Variants in GTF2E2 observed in about 807,000 individuals in gnomAD.
GTF2E2 encodes the protein general transcription factor IIE subunit 2.
A neutral mutation model predicts 40.5 loss-of-function variants in GTF2E2; 21 were observed. That is an observed-to-expected ratio of 0.52 (90% CI 0.37 to 0.75). The LOEUF (loss-of-function observed/expected upper bound fraction) is 0.75, where lower values mean the gene tolerates loss of function less well. Among genes scored for constraint, GTF2E2 ranks in the 30% least tolerant of loss-of-function variants. The pLI, the probability that GTF2E2 is intolerant of heterozygous loss-of-function variation, is 0.00. For synonymous variants in GTF2E2, 117 were observed against 121.6 expected (o/e 0.96, Z 0.25); for missense variants, 298 against 338.4 (o/e 0.88, Z 0.94).
intron 6 of GTF2E2, among the ~76,000 whole-genome samples, chr8:30,585,989 G>T (rs1828670602): frequency 6.6e-6 from 1 of 151,962 alleles, no homozygotes; most frequent in Admixed American, 6.6e-5. Context: ...GACTGAGGTG[G>T]GAAGAGAGCT....
chr8:30,605,262 C>T (rs555419591), intron 6 of GTF2E2, among the ~76,000 whole-genome samples: 5 of 151,702 alleles, frequency 3.3e-5, no homozygotes, highest in East Asian at 1.9e-4. Flanking sequence ...AAGTAAATGA[C>T]GGAGAAACTA....
intron 6 of GTF2E2, among the ~76,000 whole-genome samples, chr8:30,597,898 T>C (rs775686464): frequency 9.2e-5 from 14 of 152,234 alleles, no homozygotes; most frequent in Non-Finnish European, 1.9e-4. Context: ...AAAATATCTC[T>C]GTAATCCCAA....
chr8:30,630,647 T>C (rs1018004222), intron 3 of GTF2E2, among the ~76,000 whole-genome samples: 3 of 152,044 alleles, frequency 2.0e-5, no homozygotes, highest in Non-Finnish European at 4.4e-5. Context: ...CTCACCTCCA[T>C]TCAGAATTTG....
At chr8:30,580,223 G>A (rs1828477014) in intron 7 of GTF2E2, 58 bp downstream of exon 7, 2 of 937,826 alleles carry the variant, frequency 2.1e-6, no homozygotes, top group East Asian at 4.8e-5. Context: ...GCAGAAAGCG[G>A]AGCAGGCTAA....
At chr8:30,583,350 C>CA (rs1003922407) in intron 6 of GTF2E2, among the ~76,000 whole-genome samples, 4 of 151,790 alleles carry the variant, frequency 2.6e-5, no homozygotes, top group Admixed American at 6.6e-5. Context: ...CAAAACATAA[C>CA]AAAAAACACA....
chr8:30,610,274 C>T (rs879491120), intron 5 of GTF2E2, among the ~76,000 whole-genome samples: 2 of 151,874 alleles, frequency 1.3e-5, no homozygotes, highest in Admixed American at 6.6e-5. Context: ...GGTAAAACCA[C>T]ATCTCTACCA....
intron 3 of GTF2E2, among the ~76,000 whole-genome samples, chr8:30,628,510 TTC>T (rs1238357761): frequency 6.6e-6 from 1 of 152,268 alleles, no homozygotes; most frequent in Non-Finnish European, 1.5e-5. Context: ...TTTGCATGGG[TTC>T]TCTGAGACCT....
intron 3 of GTF2E2, among the ~76,000 whole-genome samples, chr8:30,625,454 T>C (rs1432253525): frequency 6.6e-6 from 1 of 152,060 alleles, no homozygotes; most frequent in Non-Finnish European, 1.5e-5. Flanking sequence ...TTTTAAAAAA[T>C]AAACATTTTC....
intron 6 of GTF2E2, among the ~76,000 whole-genome samples, chr8:30,587,404 C>T (rs766170199): frequency 1.4e-4 from 21 of 150,218 alleles, no homozygotes; most frequent in South Asian, 2.1e-4. Context: ...CAAAATGAGA[C>T]GCTGCCTCTA....
At chr8:30,617,508 A>C (rs1189445391) in intron 3 of GTF2E2, among the ~76,000 whole-genome samples, 1 of 152,140 alleles carries the variant, frequency 6.6e-6, no homozygotes, top group Non-Finnish European at 1.5e-5. Context: ...TTGGAAGGTC[A>C]AAGTGGGCAG....
chr8:30,649,851 G>A (rs1481408484), intron 2 of GTF2E2, among the ~76,000 whole-genome samples: 1 of 152,114 alleles, frequency 6.6e-6, no homozygotes, highest in Non-Finnish European at 1.5e-5. Flanking sequence ...AAAAACCTCA[G>A]ACAATGTAAA....
chr8:30,654,271 T>A (rs1327621738), intron 1 of GTF2E2, among the ~76,000 whole-genome samples: 1 of 152,080 alleles, frequency 6.6e-6, no homozygotes, highest in African/African-American at 2.4e-5. Flanking sequence ...AGATTTAGTA[T>A]AAAGAAAAAA....
In GTF2E2 at chr8:30,578,543, T is replaced by C. The variant is rs968992281; in HGVS notation, c.*378A>G. 1.9e-5 allele frequency: 3 copies of C among 160,744 alleles called. No homozygotes were observed. Among genetic ancestry groups the C allele is most frequent in the African/African-American group, 7.2e-5 (3 of 41,616 alleles). 10.0% of individuals were successfully genotyped at this position (160,744 alleles called of 1,614,324 possible). On this transcript the variant is annotated 3_prime_UTR_variant, in exon 8 of 8. Transcript: ENST00000355904. The stretch of plus-strand genomic sequence containing the variant: ...AAAAATCCTTCTACAGTGATTTTAT[T>C]ATAAATATGTTCTTTTGGAATAAAC...
At chr8:30,633,846 T>G (rs1312123175) in intron 3 of GTF2E2, among the ~76,000 whole-genome samples, 9 of 152,194 alleles carry the variant, frequency 5.9e-5, no homozygotes, top group Admixed American at 2.0e-4. Flanking sequence ...AATACATTAT[T>G]TAATAATGGG....
At chr8:30,586,408 T>A (rs964760420) in intron 6 of GTF2E2, among the ~76,000 whole-genome samples, 3 of 152,148 alleles carry the variant, frequency 2.0e-5, no homozygotes, top group East Asian at 1.9e-4. Context: ...GATGAGGAGA[T>A]CTCAAGATTT....
intron 7 of GTF2E2, among the ~76,000 whole-genome samples, chr8:30,579,692 ACTG>A (rs1291188880): frequency 6.6e-6 from 1 of 152,162 alleles, no homozygotes; most frequent in Non-Finnish European, 1.5e-5. Context: ...GGAGCACAGC[ACTG>A]CTAACAAGGG....
intron 2 of GTF2E2, 102 bp downstream of exon 2, chr8:30,653,331 T>A (rs1020684384): frequency 5.0e-6 from 4 of 804,524 alleles, no homozygotes; most frequent in Non-Finnish European, 8.2e-6. Flanking sequence ...AAAGTGCCTA[T>A]CAACATGAGT....
chr8:30,621,025 A>G (rs887558725), intron 3 of GTF2E2, among the ~76,000 whole-genome samples: 1 of 152,040 alleles, frequency 6.6e-6, no homozygotes, highest in African/African-American at 2.4e-5. Flanking sequence ...AGCCTAAACT[A>G]GAAGGAATAA....
At chr8:30,632,997 G>A (rs1165985411) in intron 3 of GTF2E2, among the ~76,000 whole-genome samples, 3 of 152,058 alleles carry the variant, frequency 2.0e-5, no homozygotes, top group Non-Finnish European at 4.4e-5. Context: ...AGGAAGAGAG[G>A]AGACAGCTGC....
Sources: gnomAD v4.1 joint callset for allele counts (sites outside exome capture counted in the v4.1 genomes callset) on GRCh38, gnomAD v4.1.1 for gene constraint, MANE v1.5 for transcripts, NCBI Gene and HGNC (gene_info 2026-07-23, HGNC 2026-07-21) for gene names.